Variants in PRDM12 observed in about 807,000 individuals in gnomAD.
The protein encoded by PRDM12 is PR/SET domain 12.
In PRDM12, 17 loss-of-function variants were observed where a neutral mutation model predicts 29.6. That is an observed-to-expected ratio of 0.57 (90% CI 0.39 to 0.86). PRDM12 has a LOEUF of 0.86. PRDM12 is among the 40% of genes least tolerant of loss of function. The probability of loss-of-function intolerance (pLI) is 0.00; values close to 1 mark genes in which losing one functional copy is unlikely to be tolerated. For synonymous variants in PRDM12, 231 were observed against 225.8 expected (o/e 1.02, Z -0.21); for missense variants, 422 against 510.8 (o/e 0.83, Z 1.68).
chr9:130,674,010 C>CTTTTTTTTTTTTTTT (rs35863613), intron 3 of PRDM12, among the ~76,000 whole-genome samples: 8 of 71,846 alleles, frequency 1.1e-4, no homozygotes, highest in Non-Finnish European at 1.7e-4. Flanking sequence ...TTCTTTCTTT[C>CTTTTTTTTTTTTTTT]TTTTTTTTTT....
chr9:130,674,492 TTGTGTGTGTGTGTGTG>T lies in PRDM12; in HGVS notation c.571-4011_571-3996del, dbSNP rs58489448. Among the ~76,000 whole-genome samples the T allele has an allele frequency of 4.3e-4, 61 of 142,896 alleles. No homozygotes were observed. The South Asian group carries it at 8.0e-3, about 19-fold the overall frequency. 93.7% of individuals were successfully genotyped at this position (142,896 alleles called of 152,430 possible). ...GATTTTCTTGCTTTTAAAAGATAAT[TTGTGTGTGTGTGTGTG>T]TGTGTGTGTGTGTGTGTGTGTGTGT... On this transcript the variant is annotated intron_variant, in intron 3 of 4. Coordinates refer to ENST00000253008, the MANE Select transcript of PRDM12 (RefSeq NM_021619.3).
intron 3 of PRDM12, among the ~76,000 whole-genome samples, chr9:130,673,711 G>C (rs1026389049): frequency 4.6e-5 from 5 of 109,050 alleles, no homozygotes; most frequent in Non-Finnish European, 7.0e-5. Context: ...CACTCTTGTT[G>C]CCCAGGCTGG....
intron 4 of PRDM12, among the ~76,000 whole-genome samples, chr9:130,680,634 A>AATATATATATATATATATATATAT (rs1181007721): frequency 3.4e-5 from 3 of 88,494 alleles, no homozygotes; most frequent in African/African-American, 1.7e-4. Context: ...AAAAAAAAAA[A>AATATATATATATATATATATATAT]ATATATATAT....
intron 3 of PRDM12, among the ~76,000 whole-genome samples, chr9:130,677,398 C>T (rs11244097): frequency 0.019 from 2,961 of 152,332 alleles, 49 homozygotes; most frequent in Middle Eastern, 0.054. Context: ...CAGAAGCCAA[C>T]GCGGGGTCCT....
intron 4 of PRDM12, 131 bp downstream of exon 4, chr9:130,678,771 T>C (rs1457247476): frequency 1.4e-6 from 1 of 710,036 alleles, no homozygotes; most frequent in Admixed American, 2.8e-5. Flanking sequence ...CTGGCAGCAT[T>C]GAGCAGATCA....
rs1830917596 is a variant in PRDM12 at position 130,682,695 on chromosome 9, G to C, written c.*1026G>C. ...GTCCCTGCCCGTTTCCTCAAATTCG[G>C]GCCGTGCGCGCCCTCTGGTGTCGCC... is the stretch of plus-strand genomic sequence containing the variant. On this transcript the variant is annotated 3_prime_UTR_variant, in exon 5 of 5. Transcript: ENST00000253008. The surrounding 1 kb of genome is among the most constrained non-coding windows in gnomAD (Gnocchi z 4.2). 2 of 152,340 alleles carry C rather than the reference G, an allele frequency of 1.3e-5. No homozygotes were observed. Among genetic ancestry groups the C allele is most frequent in the Admixed American group, 6.5e-5 (1 of 15,274 alleles). The allele number at this position is 152,340 out of a possible 1,614,324, so 9.4% of individuals were successfully genotyped here.
rs1830775937 is a variant in PRDM12, at chr9:130,670,269, C to A, written c.570+1956C>A. On this transcript the variant is annotated intron_variant, in intron 3 of 4. Transcript: ENST00000253008. ...CGACCTTTAGTCCATGTTCCATTTTCTCCCCAGGACTCAGACCTTGAAGCT... is the reference window on the plus strand; with the variant it reads ...CGACCTTTAGTCCATGTTCCATTTTATCCCCAGGACTCAGACCTTGAAGCT... Among the ~76,000 whole-genome samples the A allele has an allele frequency of 2.0e-5, 3 of 152,004 alleles. No individual in the cohort carries two copies. In the South Asian group the frequency reaches 6.2e-4, roughly 32 times the overall value.
At chr9:130,670,554 C>T (rs1030190492) in intron 3 of PRDM12, among the ~76,000 whole-genome samples, 5 of 152,112 alleles carry the variant, frequency 3.3e-5, no homozygotes, top group African/African-American at 4.8e-5. Context: ...TAGCCCAGGC[C>T]CAGGACAGAG....
At chr9:130,666,960 G>A (rs1057024707) in intron 2 of PRDM12, among the ~76,000 whole-genome samples, 162 bp downstream of exon 2, 6 of 152,172 alleles carry the variant, frequency 3.9e-5, no homozygotes, top group Non-Finnish European at 8.8e-5. Context: ...GCCCGAGCCT[G>A]GAGCTCACCC....
Position 130,681,190 on chromosome 9 carries a change from G to A in PRDM12, c.683-58G>A. 1 of 1,366,366 alleles carries A rather than the reference G, an allele frequency of 7.3e-7. No individual in the cohort carries two copies. Among genetic ancestry groups the A allele is most frequent in the Non-Finnish European group, 9.5e-7 (1 of 1,055,368 alleles). The allele number at this position is 1,366,366 out of a possible 1,614,324, so 84.6% of individuals were successfully genotyped here. Reference sequence around the variant, plus strand: ...GGCTGCGGGGCGCCGGTTCTAACGGGGCTGCTCTCTCCCCTTCTCCGTCTC... The same window carrying A: ...GGCTGCGGGGCGCCGGTTCTAACGGAGCTGCTCTCTCCCCTTCTCCGTCTC... On this transcript the variant is annotated intron_variant, in intron 4 of 4. Coordinates refer to ENST00000253008, the MANE Select transcript of PRDM12 (RefSeq NM_021619.3). The surrounding 1 kb of genome is among the most constrained non-coding windows in gnomAD (Gnocchi z 8.1).
Position 130,681,719 on chromosome 9 carries a change from C to T in PRDM12, c.*50C>T, listed in dbSNP as rs1048062339. 7.1e-6 allele frequency: 7 copies of T among 979,500 alleles called. No individual in the cohort carries two copies. The African/African-American group carries it at 8.8e-5, about 12-fold the overall frequency. 60.7% of individuals were successfully genotyped at this position (979,500 alleles called of 1,614,324 possible). On this transcript the variant is annotated 3_prime_UTR_variant, in exon 5 of 5. Coordinates refer to ENST00000253008, the MANE Select transcript of PRDM12 (RefSeq NM_021619.3). This position sits in a 1 kb window ranked among gnomAD's most constrained non-coding sequence, Gnocchi z 8.1. ...CCGCGCGCTCCTGGGTCCCCGGCACCCCGGCCCCGCAGCGCGACTCGCCCT... is the reference window on the plus strand; with the variant it reads ...CCGCGCGCTCCTGGGTCCCCGGCACTCCGGCCCCGCAGCGCGACTCGCCCT...
rs1588183998 is a variant in PRDM12, at chr9:130,666,217, C to T, written c.224-391C>T. Among the ~76,000 whole-genome samples, 7 of 152,248 alleles carry T rather than the reference C, an allele frequency of 4.6e-5. No individual in the cohort carries two copies. The South Asian group carries it at 1.4e-3, about 31-fold the overall frequency. ...AAGAGTCTCCGGTTGGCCTTCACCT[C>T]CTTGCAGGACCTGGCCTCAGTTTCC... On this transcript the variant is annotated intron_variant, in intron 1 of 4. Transcript: ENST00000253008.
chr9:130,671,390 C>CACAT (rs1830788140), intron 3 of PRDM12, among the ~76,000 whole-genome samples: 1 of 151,404 alleles, frequency 6.6e-6, no homozygotes, highest in Non-Finnish European at 1.5e-5. Flanking sequence ...CACACACACA[C>CACAT]ACACACACAC....
In PRDM12 at chr9:130,680,638, T is replaced by TATATATATAAAAAAAAA. The variant is rs1830887815; in HGVS notation, c.683-601_683-600insAAAAAAAAATATATATA. ...AGACTCCGTCTAAAAAAAAAAAATA[T>TATATATATAAAAAAAAA]ATATATATATATATATATATATTTT... On this transcript the variant is annotated intron_variant, in intron 4 of 4. Coordinates refer to ENST00000253008, the MANE Select transcript of PRDM12 (RefSeq NM_021619.3). Among the ~76,000 whole-genome samples the TATATATATAAAAAAAAA allele has an allele frequency of 3.5e-5, 3 of 84,748 alleles. No homozygotes were observed. In the Admixed American group the frequency reaches 4.0e-4, roughly 11 times the overall value. 55.6% of individuals were successfully genotyped at this position (84,748 alleles called of 152,430 possible).
In PRDM12 at chr9:130,664,606, C is replaced by T. The variant is rs1485877447; in HGVS notation, c.-48C>T. The T allele has an allele frequency of 6.9e-7, 1 of 1,449,058 alleles. No individual in the cohort carries two copies. The highest frequency in any genetic ancestry group is 9.1e-7 in the Non-Finnish European group (1 of 1,093,484). 89.8% of individuals were successfully genotyped at this position (1,449,058 alleles called of 1,614,324 possible). ...GGCTCCCCTCTCGCCCGCCCACCTC[C>T]CCCGTCGGCCCGGCCGTCCCCCGGC... is the stretch of plus-strand genomic sequence containing the variant. On this transcript the variant is annotated 5_prime_UTR_variant, in exon 1 of 5. Transcript: ENST00000253008. The surrounding 1 kb of genome is among the most constrained non-coding windows in gnomAD (Gnocchi z 6.4).
intron 3 of PRDM12, among the ~76,000 whole-genome samples, chr9:130,673,662 ATTTTTTT>A (rs35312514): frequency 5.8e-5 from 5 of 86,294 alleles, no homozygotes; most frequent in Non-Finnish European, 8.6e-5. Context: ...CTCACGGCTA[ATTTTTTT>A]TTTTTTTTTT....
At chr9:130,667,844 G>C (rs888656483) in intron 2 of PRDM12, among the ~76,000 whole-genome samples, 5 of 152,150 alleles carry the variant, frequency 3.3e-5, no homozygotes, top group African/African-American at 1.2e-4. Flanking sequence ...AGAGAGCTCA[G>C]GGCCACTTTG....
In PRDM12 at chr9:130,681,718, C is replaced by T. The variant is rs193264540; in HGVS notation, c.*49C>T. The stretch of plus-strand genomic sequence containing the variant: ...CCCGCGCGCTCCTGGGTCCCCGGCA[C>T]CCCGGCCCCGCAGCGCGACTCGCCC... On this transcript the variant is annotated 3_prime_UTR_variant, in exon 5 of 5. Coordinates refer to ENST00000253008, the MANE Select transcript of PRDM12 (RefSeq NM_021619.3). The surrounding 1 kb of genome is among the most constrained non-coding windows in gnomAD (Gnocchi z 8.1). The T allele has an allele frequency of 0.03, 28,929 of 979,764 alleles. 833 individuals carry two copies. Among genetic ancestry groups the T allele is most frequent in the African/African-American group, 0.15 (8,435 of 56,756 alleles). 60.7% of individuals were successfully genotyped at this position (979,764 alleles called of 1,614,324 possible).
At chr9:130,665,234 C>T (rs1323635238) in intron 1 of PRDM12, among the ~76,000 whole-genome samples, 2 of 149,012 alleles carry the variant, frequency 1.3e-5, no homozygotes, top group African/African-American at 4.9e-5. Flanking sequence ...GTTTTAAATT[C>T]ATTTAGTTAA....
Sources: allele counts gnomAD v4.1 joint callset (sites outside exome capture counted in the v4.1 genomes callset), GRCh38; gene constraint gnomAD v4.1.1; non-coding constraint Gnocchi (gnomAD v3.1); transcripts MANE v1.5; gene names NCBI Gene and HGNC (gene_info 2026-07-23, HGNC 2026-07-21).